The following ANKRD44 variants were observed in gnomAD, a reference collection of about 807,000 sequenced individuals.
ANKRD44 encodes serine/threonine-protein phosphatase 6 regulatory ankyrin repeat subunit B.
A neutral mutation model predicts 116.0 loss-of-function variants in ANKRD44; 35 were observed. The observed-to-expected ratio is 0.30, with a 90% CI of 0.23 to 0.40. The LOEUF (loss-of-function observed/expected upper bound fraction) is 0.40. Ranked by LOEUF, ANKRD44 falls within the 10% of genes least tolerant of loss-of-function variation. The probability of loss-of-function intolerance (pLI) is 1.00; values close to 1 mark genes in which losing one functional copy is unlikely to be tolerated. For missense variants in ANKRD44, 1,014 were observed against 1,242.6 expected, an observed-to-expected ratio of 0.82 and a Z score of 2.77; for synonymous variants, 435 against 461.8, an observed-to-expected ratio of 0.94 and a Z score of 0.74.
At chr2:197,199,785 T>C (rs1217324829) in intron 1 of ANKRD44, among the ~76,000 whole-genome samples, 1 of 152,210 alleles carries the variant, frequency 6.6e-6, no homozygotes, top group Non-Finnish European at 1.5e-5. Context: ...AATGATGTAC[T>C]GAGGACATCC....
At chr2:197,226,261 C>T (rs2081710260) in intron 1 of ANKRD44, among the ~76,000 whole-genome samples, 1 of 152,230 alleles carries the variant, frequency 6.6e-6, no homozygotes, top group Non-Finnish European at 1.5e-5. Context: ...ATCCCCTGGA[C>T]AGGCTTTGGG....
chr2:197,085,200 T>C (rs185585360), intron 13 of ANKRD44, among the ~76,000 whole-genome samples: 1 of 152,342 alleles, frequency 6.6e-6, no homozygotes, highest in East Asian at 1.9e-4. Flanking sequence ...TTCTCCTCTT[T>C]GGTTCAAAAG....
intron 1 of ANKRD44, among the ~76,000 whole-genome samples, chr2:197,187,978 G>A (rs1013138841): frequency 6.6e-6 from 1 of 152,000 alleles, no homozygotes; most frequent in Non-Finnish European, 1.5e-5. Context: ...CCTAGAGGAT[G>A]CTAATGGCCA....
At chr2:196,977,507 AAC>A (rs1355740074) in intron 21 of ANKRD44, among the ~76,000 whole-genome samples, 1 of 152,346 alleles carries the variant, frequency 6.6e-6, no homozygotes, top group East Asian at 1.9e-4. Context: ...CACCAATAAA[AAC>A]ACAACGTGAT....
At chr2:197,148,554 T>C (rs1275146420) in intron 2 of ANKRD44, among the ~76,000 whole-genome samples, 1 of 152,226 alleles carries the variant, frequency 6.6e-6, no homozygotes, top group African/African-American at 2.4e-5. Flanking sequence ...AGGATATTAT[T>C]CCATTTTCTG....
intron 2 of ANKRD44, among the ~76,000 whole-genome samples, chr2:197,165,789 A>G (rs1334580472): frequency 6.6e-6 from 1 of 152,238 alleles, no homozygotes; most frequent in Non-Finnish European, 1.5e-5. Flanking sequence ...AACTATGAGC[A>G]TCTATTGGTA....
chr2:197,116,938 A>C (rs1197657003), intron 8 of ANKRD44, among the ~76,000 whole-genome samples: 1 of 152,200 alleles, frequency 6.6e-6, no homozygotes, highest in Non-Finnish European at 1.5e-5. Flanking sequence ...ATGAACATCA[A>C]TAATAACATC....
intron 21 of ANKRD44, among the ~76,000 whole-genome samples, chr2:196,975,456 G>GTTCA (rs1364496330): frequency 6.6e-6 from 1 of 152,220 alleles, no homozygotes; most frequent in East Asian, 1.9e-4. Flanking sequence ...TATTCTTTGA[G>GTTCA]GCCAGCGTTA....
At chr2:197,105,897 C>T (rs73051335) in intron 9 of ANKRD44, among the ~76,000 whole-genome samples, 9,304 of 152,188 alleles carry the variant, frequency 0.061, 579 homozygotes, top group African/African-American at 0.16. Context: ...GGACAGAGAT[C>T]CCCAGACTGC....
intron 6 of ANKRD44, 142 bp from the exon 7 acceptor site, chr2:197,122,934 T>G (rs1265083496): frequency 2.1e-6 from 2 of 940,050 alleles, no homozygotes; most frequent in East Asian, 2.7e-5. Context: ...TCATGGCAAC[T>G]ATTCAACAAA....
At chr2:197,036,435 T>C (rs2076808978) in intron 16 of ANKRD44, among the ~76,000 whole-genome samples, 1 of 152,116 alleles carries the variant, frequency 6.6e-6, no homozygotes, top group Non-Finnish European at 1.5e-5. Context: ...ATTTTTGTAT[T>C]TTTAGTAGAG....
intron 3 of ANKRD44, 71 bp from the exon 4 acceptor site, chr2:197,136,733 C>T: frequency 1.5e-6 from 2 of 1,310,682 alleles, no homozygotes; most frequent in South Asian, 2.4e-5. Context: ...AAATCAAATG[C>T]TGTATCTTGC....
chr2:197,088,411 C>G (rs934210834), intron 12 of ANKRD44, among the ~76,000 whole-genome samples: 1 of 151,922 alleles, frequency 6.6e-6, no homozygotes, highest in African/African-American at 2.4e-5. Flanking sequence ...AAATTATTGT[C>G]TTTTGGTGTA....
intron 9 of ANKRD44, among the ~76,000 whole-genome samples, chr2:197,104,365 C>T (rs1002524158): frequency 2.6e-5 from 4 of 152,188 alleles, no homozygotes; most frequent in Non-Finnish European, 4.4e-5. Flanking sequence ...AAGTGATCTA[C>T]TTGTCTCGGC....
intron 1 of ANKRD44, among the ~76,000 whole-genome samples, chr2:197,194,369 C>A (rs1334303151): frequency 1.3e-5 from 2 of 152,138 alleles, no homozygotes; most frequent in African/African-American, 4.8e-5. Context: ...CTTAATGGGA[C>A]CTGAGATTGT....
chr2:197,216,869 A>AACACACACACAC (rs61641385), intron 1 of ANKRD44, among the ~76,000 whole-genome samples: 15,831 of 139,608 alleles, frequency 0.11, 1,155 homozygotes, highest in African/African-American at 0.19. Context: ...ACATTGGTTA[A>AACACACACACAC]ACACACACAC....
At chr2:196,990,831 G>T in intron 27 of ANKRD44, 1 of 1,232,378 alleles carries the variant, frequency 8.1e-7, no homozygotes, top group Non-Finnish European at 1.0e-6. Flanking sequence ...AGCCATCATT[G>T]TACTGGAAGG....
intron 1 of ANKRD44, among the ~76,000 whole-genome samples, chr2:197,228,217 G>T (rs543543738): frequency 6.6e-6 from 1 of 152,330 alleles, no homozygotes; most frequent in South Asian, 2.1e-4. Flanking sequence ...TATAGTAAGT[G>T]CTCAGCAAAT....
At chr2:197,251,236 G>A (rs2082310083) in intron 1 of ANKRD44, among the ~76,000 whole-genome samples, 1 of 152,118 alleles carries the variant, frequency 6.6e-6, no homozygotes, top group African/African-American at 2.4e-5. Context: ...ATATGTTTCT[G>A]AGTAGCTTAA....
Sources: allele counts gnomAD v4.1 joint callset (sites outside exome capture counted in the v4.1 genomes callset), GRCh38; gene constraint gnomAD v4.1.1; transcripts MANE v1.5; gene names NCBI Gene and HGNC (gene_info 2026-07-23, HGNC 2026-07-21).